Variants in MTUS1 observed in about 807,000 individuals in gnomAD.
MTUS1 encodes microtubule-associated tumor suppressor 1.
A neutral mutation model predicts 120.8 loss-of-function variants in MTUS1; 109 were observed. The observed-to-expected ratio is 0.90, with a 90% CI of 0.77 to 1.06. The LOEUF (loss-of-function observed/expected upper bound fraction) is 1.06, where lower values mean the gene tolerates loss of function less well. Ranked by LOEUF, MTUS1 falls within the 50% of genes least tolerant of loss-of-function variation. The pLI, the probability that MTUS1 is intolerant of heterozygous loss-of-function variation, is 0.00. For missense variants in MTUS1, 2,210 were observed against 1,486.3 expected (o/e 1.49, Z -8.01); for synonymous variants, 737 against 550.5 (o/e 1.34, Z -4.74).
At chr8:17,691,744 C>T (rs1020473559) in intron 6 of MTUS1, among the ~76,000 whole-genome samples, 9 of 152,030 alleles carry the variant, frequency 5.9e-5, no homozygotes, top group African/African-American at 2.2e-4. Context: ...GCTTCATTGA[C>T]GTCTACATTT....
At chr8:17,674,612 TGTAAACTGCAGGGCTGGGTGGTAG>T (rs1812699050) in intron 8 of MTUS1, 1 of 986,140 alleles carries the variant, frequency 1.0e-6, no homozygotes. Flanking sequence ...TGTTGAGACA[TGTAAACTGCAGGGCTGGGTGGTAG>T]GTGTTGAGAC....
intron 3 of MTUS1, among the ~76,000 whole-genome samples, chr8:17,734,708 CCATA>C (rs1420002535): frequency 2.0e-5 from 3 of 152,222 alleles, no homozygotes; most frequent in African/African-American, 7.2e-5. Context: ...TTCCCAGCTA[CCATA>C]CAAAGGAGAT....
At chr8:17,759,992 T>C (rs1334841826) in intron 1 of MTUS1, among the ~76,000 whole-genome samples, 1 of 151,708 alleles carries the variant, frequency 6.6e-6, no homozygotes, top group African/African-American at 2.4e-5. Flanking sequence ...GAGCATCATT[T>C]GAGCCCAGGA....
At chr8:17,719,136 C>T (rs1355330462) in intron 4 of MTUS1, among the ~76,000 whole-genome samples, 2 of 151,978 alleles carry the variant, frequency 1.3e-5, no homozygotes, top group Non-Finnish European at 2.9e-5. Flanking sequence ...TGCCACTGCA[C>T]TCCAGCCTGG....
chr8:17,778,861 C>T (rs867581495), intron 1 of MTUS1, among the ~76,000 whole-genome samples: 4 of 152,008 alleles, frequency 2.6e-5, no homozygotes, highest in African/African-American at 9.7e-5. Flanking sequence ...GACACCAAAC[C>T]AAAGCTACTG....
chr8:17,726,619 A>AT (rs1263235875), intron 3 of MTUS1, among the ~76,000 whole-genome samples: 1 of 152,204 alleles, frequency 6.6e-6, no homozygotes, highest in Admixed American at 6.5e-5. Context: ...GCTTATTTGA[A>AT]TCTTCAGTCT....
chr8:17,764,894 G>T (rs537152892), intron 1 of MTUS1, among the ~76,000 whole-genome samples: 1 of 152,172 alleles, frequency 6.6e-6, no homozygotes, highest in Admixed American at 6.5e-5. Flanking sequence ...AGGAGGAGGG[G>T]GAGGATTCAA....
In MTUS1 at chr8:17,755,964, G is replaced by C. The variant is rs1659263787; in HGVS notation, c.-154-3C>G. On this transcript the variant is annotated splice_polypyrimidine_tract_variant and splice_region_variant and intron_variant, in intron 1 of 14. Transcript: ENST00000693296. ...AAGATTAAATGATTTGTTGTTCCCTGGAAGAAATAAAATGTTTAACTCAAG... is the reference window on the plus strand; with the variant it reads ...AAGATTAAATGATTTGTTGTTCCCTCGAAGAAATAAAATGTTTAACTCAAG... 2.8e-6 allele frequency: 4 copies of C among 1,407,574 alleles called. No homozygotes were observed. Among genetic ancestry groups the C allele is most frequent in the Non-Finnish European group, 3.7e-6 (4 of 1,086,726 alleles). 87.2% of individuals were successfully genotyped at this position (1,407,574 alleles called of 1,614,324 possible).
chr8:17,711,377 T>C (rs1157788830), intron 6 of MTUS1, among the ~76,000 whole-genome samples: 3 of 152,224 alleles, frequency 2.0e-5, no homozygotes, highest in Non-Finnish European at 4.4e-5. Flanking sequence ...ACATCAGCAC[T>C]TGCTGCTTCG....
intron 3 of MTUS1, chr8:17,724,086 A>G: frequency 1.8e-6 from 1 of 564,868 alleles, no homozygotes; most frequent in Non-Finnish European, 3.2e-6. Context: ...CCTGTCTCCT[A>G]AAGTAATTAA....
Position 17,660,404 on chromosome 8 carries a change from G to A in MTUS1, c.2906-4339C>T, listed in dbSNP as rs1809418638. Among the ~76,000 whole-genome samples the A allele has an allele frequency of 2.0e-5, 3 of 152,082 alleles. No homozygotes were observed. The South Asian group carries it at 6.2e-4, about 32-fold the overall frequency. Reference sequence around the variant, plus strand: ...TAATAATGATAATATTCCATTGCACGTACAGATGACATTTGTGTATCCACT... The same window carrying A: ...TAATAATGATAATATTCCATTGCACATACAGATGACATTTGTGTATCCACT... On this transcript the variant is annotated intron_variant, in intron 8 of 14. Coordinates refer to ENST00000693296, the MANE Select transcript of MTUS1 (RefSeq NM_001363059.2).
At chr8:17,673,239 C>G (rs968273826) in intron 8 of MTUS1, among the ~76,000 whole-genome samples, 14 of 152,226 alleles carry the variant, frequency 9.2e-5, no homozygotes, top group Non-Finnish European at 1.3e-4. Flanking sequence ...TGGGCTGTCT[C>G]TCAGCTGGGA....
chr8:17,674,606 G>A (rs780340062), intron 8 of MTUS1: 1 of 986,304 alleles, frequency 1.0e-6, no homozygotes. Flanking sequence ...GGTGGGTGTT[G>A]AGACATGTAA....
At chr8:17,690,885 G>C (rs1316751573) in intron 6 of MTUS1, among the ~76,000 whole-genome samples, 1 of 152,106 alleles carries the variant, frequency 6.6e-6, no homozygotes, top group African/African-American at 2.4e-5. Flanking sequence ...TTCAATATTA[G>C]ATACCTCTAA....
chr8:17,680,307 T>C (rs964631836), intron 7 of MTUS1, among the ~76,000 whole-genome samples: 3 of 151,528 alleles, frequency 2.0e-5, no homozygotes, highest in Non-Finnish European at 4.4e-5. Context: ...CTACTAAAAA[T>C]ACAAAAATTA....
intron 13 of MTUS1, among the ~76,000 whole-genome samples, chr8:17,648,213 T>G (rs781303353): frequency 3.9e-5 from 6 of 152,228 alleles, no homozygotes; most frequent in Non-Finnish European, 7.3e-5. Flanking sequence ...TCTAAGTCTC[T>G]TAATTTCATC....
chr8:17,697,583 T>A, intron 6 of MTUS1: 2 of 1,340,930 alleles, frequency 1.5e-6, no homozygotes, highest in Non-Finnish European at 1.9e-6. Flanking sequence ...CGTTTTCACT[T>A]TCAGATGTTG....
chr8:17,661,412 G>A (rs555376228), intron 8 of MTUS1, among the ~76,000 whole-genome samples: 1 of 152,274 alleles, frequency 6.6e-6, no homozygotes, highest in South Asian at 2.1e-4. Flanking sequence ...ACATCTAAGT[G>A]AACTCAGGGA....
chr8:17,714,180 C>G (rs1489788343), intron 5 of MTUS1, among the ~76,000 whole-genome samples: 5 of 152,144 alleles, frequency 3.3e-5, no homozygotes, highest in African/African-American at 9.7e-5. Context: ...GATTAACTCC[C>G]TAGGCAAATG....
Sources: allele counts gnomAD v4.1 joint callset (sites outside exome capture counted in the v4.1 genomes callset), GRCh38; gene constraint gnomAD v4.1.1; transcripts MANE v1.5; gene names NCBI Gene and HGNC (gene_info 2026-07-23, HGNC 2026-07-21).